EPHA5: variants seen among roughly 807,000 people sequenced by gnomAD.
EPHA5 encodes the protein EPH receptor A5.
EPHA5 carries 60 observed loss-of-function variants against 105.0 expected under a neutral mutation model. That is an observed-to-expected ratio of 0.57 (90% CI 0.46 to 0.71). The LOEUF is 0.71. EPHA5 is among the 30% of genes least tolerant of loss of function. EPHA5 has a pLI of 0.00. For synonymous variants in EPHA5, 513 were observed against 449.1 expected (o/e 1.14, Z -1.80); for missense variants, 1,218 against 1,274.7 (o/e 0.96, Z 0.68).
chr4:65,448,441 A>T (rs1409849917), intron 5 of EPHA5, among the ~76,000 whole-genome samples: 1 of 152,166 alleles, frequency 6.6e-6, no homozygotes, highest in Non-Finnish European at 1.5e-5. Context: ...TAAAGTCAGG[A>T]GTTCCAGAGT....
At position 65,364,908 on chromosome 4, in the gene EPHA5, A is replaced by G. The variant is rs1717710527; in HGVS notation, c.2173+109T>C. On this transcript the variant is annotated intron_variant, in intron 11 of 16. Transcript: ENST00000613740. ...AAAATACAGGATAAACATTAATATT[A>G]GAGAAATTAATATATTACAATCTTG... The G allele has an allele frequency of 8.4e-6, 7 of 831,942 alleles. No individual in the cohort carries two copies. The East Asian group carries it at 2.1e-4, about 24-fold the overall frequency. 51.5% of individuals were successfully genotyped at this position (831,942 alleles called of 1,614,324 possible).
intron 2 of EPHA5, among the ~76,000 whole-genome samples, chr4:65,634,730 A>G (rs1032193116): frequency 7.9e-5 from 12 of 151,978 alleles, no homozygotes; most frequent in African/African-American, 2.7e-4. Context: ...GCTTTTCTAT[A>G]TCCACTAATG....
Position 65,593,252 on chromosome 4 carries a change from A to G in EPHA5, c.910+8389T>C, listed in dbSNP as rs140391818. On this transcript the variant is annotated intron_variant, in intron 3 of 16. Coordinates refer to ENST00000613740, the MANE Select transcript of EPHA5 (RefSeq NM_001281766.3). ...ATGTATGATAAAAGTATATTAAGGA[A>G]CATTTTGAGGGGGAGAAATATTTAA... Among the ~76,000 whole-genome samples, 932 of 152,272 alleles carry G rather than the reference A, an allele frequency of 6.1e-3. 1 individual carries two copies. The highest frequency in any genetic ancestry group is 0.01 in the Non-Finnish European group (686 of 68,008).
At chr4:65,603,526 G>T (rs765967502) in intron 2 of EPHA5, among the ~76,000 whole-genome samples, 1 of 151,994 alleles carries the variant, frequency 6.6e-6, no homozygotes, top group African/African-American at 2.4e-5. Context: ...ATTAAATATA[G>T]CATTATTTCT....
At chr4:65,329,939 T>C (rs950152887) in intron 16 of EPHA5, among the ~76,000 whole-genome samples, 16 of 151,250 alleles carry the variant, frequency 1.1e-4, no homozygotes, top group African/African-American at 3.9e-4. Context: ...GTTCTTACAG[T>C]TGAAAAAAAT....
chr4:65,631,242 C>T (rs1016123053), intron 2 of EPHA5, among the ~76,000 whole-genome samples: 11 of 152,062 alleles, frequency 7.2e-5, no homozygotes, highest in African/African-American at 2.7e-4. Flanking sequence ...GTATGCATTC[C>T]TGTTTTGATT....
chr4:65,454,532 A>T (rs950608064), intron 5 of EPHA5, among the ~76,000 whole-genome samples: 1 of 152,204 alleles, frequency 6.6e-6, no homozygotes, highest in Non-Finnish European at 1.5e-5. Flanking sequence ...ATTTCCATAG[A>T]TTCAACAGCT....
At chr4:65,385,900 C>T (rs192857966) in intron 8 of EPHA5, among the ~76,000 whole-genome samples, 71 of 151,868 alleles carry the variant, frequency 4.7e-4, no homozygotes, top group African/African-American at 1.7e-3. Flanking sequence ...AATAGAACGG[C>T]TTTCATAGCC....
chr4:65,515,657 T>G (rs1183573640), intron 3 of EPHA5, among the ~76,000 whole-genome samples: 5 of 152,184 alleles, frequency 3.3e-5, no homozygotes, highest in Admixed American at 3.3e-4. Context: ...ACACAATCTA[T>G]TTTGTTATAT....
At chr4:65,601,058 C>A (rs748141032) in intron 3 of EPHA5, among the ~76,000 whole-genome samples, 10 of 152,166 alleles carry the variant, frequency 6.6e-5, no homozygotes. Flanking sequence ...GCTTATTATG[C>A]ATTTAAAAAT....
chr4:65,652,398 T>C (rs1218763470), intron 1 of EPHA5, among the ~76,000 whole-genome samples: 1 of 152,192 alleles, frequency 6.6e-6, no homozygotes, highest in Non-Finnish European at 1.5e-5. Flanking sequence ...TATGTTTCTG[T>C]ACTTAATATA....
Position 65,555,802 on chromosome 4 carries a change from T to A in EPHA5, c.910+45839A>T, listed in dbSNP as rs554010596. Among the ~76,000 whole-genome samples, 162 of 141,100 alleles carry A rather than the reference T, an allele frequency of 1.1e-3. 17 individuals carry two copies. The highest frequency in any genetic ancestry group is 4.9e-3 in the African/African-American group (151 of 31,124). The allele number at this position is 141,100 out of a possible 152,430, so 92.6% of individuals were successfully genotyped here. ...CCATATTCAGACTGTCAAGTAGGAGTACTAGGATAACATTCAGGAGATAAT... is the reference window on the plus strand; with the variant it reads ...CCATATTCAGACTGTCAAGTAGGAGAACTAGGATAACATTCAGGAGATAAT... On this transcript the variant is annotated intron_variant, in intron 3 of 16. Transcript: ENST00000613740.
At chr4:65,667,282 A>G (rs1750046991) in intron 1 of EPHA5, among the ~76,000 whole-genome samples, 1 of 152,256 alleles carries the variant, frequency 6.6e-6, no homozygotes, top group African/African-American at 2.4e-5. Flanking sequence ...TATTTCACAG[A>G]GCAGAAATAA....
At chr4:65,525,904 C>T (rs1347235283) in intron 3 of EPHA5, among the ~76,000 whole-genome samples, 1 of 151,780 alleles carries the variant, frequency 6.6e-6, no homozygotes, top group African/African-American at 2.4e-5. Context: ...GTAGGGGTCG[C>T]TGTCTCAGGC....
intron 1 of EPHA5, among the ~76,000 whole-genome samples, chr4:65,647,050 C>T (rs1024698783): frequency 6.6e-6 from 1 of 151,906 alleles, no homozygotes; most frequent in Non-Finnish European, 1.5e-5. Flanking sequence ...AGAAGTTTGC[C>T]AGGCATGGTG....
Position 65,365,927 on chromosome 4 carries a change from C to T in EPHA5, c.1987+5G>A, listed in dbSNP as rs1241019660. ...TAAAAATGAAAGTCAAACACATTGTCGTACCTGCTCCAATAACTCTCTCAA... is the reference window on the plus strand; with the variant it reads ...TAAAAATGAAAGTCAAACACATTGTTGTACCTGCTCCAATAACTCTCTCAA... On this transcript the variant is annotated splice_donor_5th_base_variant and intron_variant, in intron 10 of 16. Coordinates refer to ENST00000613740, the MANE Select transcript of EPHA5 (RefSeq NM_001281766.3). 33 of 1,603,896 alleles carry T rather than the reference C, an allele frequency of 2.1e-5. No individual in the cohort carries two copies. The highest frequency in any genetic ancestry group is 2.6e-5 in the Non-Finnish European group (31 of 1,173,050).
At chr4:65,611,248 A>G (rs1259172777) in intron 2 of EPHA5, among the ~76,000 whole-genome samples, 2 of 152,248 alleles carry the variant, frequency 1.3e-5, no homozygotes, top group South Asian at 4.1e-4. Context: ...ATATTTCAGT[A>G]TATATTTCAA....
intron 14 of EPHA5, among the ~76,000 whole-genome samples, chr4:65,339,162 T>C (rs28457117): frequency 0.01 from 1,573 of 152,242 alleles, 26 homozygotes; most frequent in African/African-American, 0.036. Flanking sequence ...TAGCCCCCTA[T>C]ATAGTATTAT....
intron 8 of EPHA5, among the ~76,000 whole-genome samples, chr4:65,372,928 A>G (rs1331651308): frequency 6.6e-6 from 1 of 151,938 alleles, no homozygotes; most frequent in Non-Finnish European, 1.5e-5. Flanking sequence ...AACCTGAACA[A>G]TTTCAAATTC....
Sources: allele counts gnomAD v4.1 joint callset (sites outside exome capture counted in the v4.1 genomes callset), GRCh38; gene constraint gnomAD v4.1.1; transcripts MANE v1.5; gene names NCBI Gene and HGNC (gene_info 2026-07-23, HGNC 2026-07-21).